The following PDE4D variants were observed in gnomAD, a reference collection of about 807,000 sequenced individuals.
PDE4D encodes 3',5'-cyclic-AMP phosphodiesterase 4D.
PDE4D carries 24 observed loss-of-function variants against 87.4 expected under a neutral mutation model. The observed-to-expected ratio is 0.27, with a 90% CI of 0.20 to 0.39. The LOEUF (loss-of-function observed/expected upper bound fraction) is 0.39, where lower values mean the gene tolerates loss of function less well. Ranked by LOEUF, PDE4D falls within the 10% of genes least tolerant of loss-of-function variation. The pLI, the probability that PDE4D is intolerant of heterozygous loss-of-function variation, is 1.00. For missense variants in PDE4D, 714 were observed against 1,041.0 expected (o/e 0.69, Z 4.32); for synonymous variants, 384 against 383.2 (o/e 1.00, Z -0.02).
chr5:59,005,882 C>T (rs1751505216), intron 6 of PDE4D, among the ~76,000 whole-genome samples: 1 of 152,164 alleles, frequency 6.6e-6, no homozygotes, highest in Non-Finnish European at 1.5e-5. Context: ...CTATGATAAA[C>T]AGTATGAATC....
rs150827181 is a variant in PDE4D at position 60,147,391 on chromosome 5, A to C, written c.42+38166T>G. Among the ~76,000 whole-genome samples the C allele has an allele frequency of 6.8e-3, 1,033 of 152,298 alleles. 11 individuals are homozygous for C. The highest frequency in any genetic ancestry group is 0.024 in the African/African-American group (983 of 41,568). ...GCGGTGAATGGGCCACGCTGCATTCATTATTTACCAACAAGATTAAAGGAA... is the reference window on the plus strand; with the variant it reads ...GCGGTGAATGGGCCACGCTGCATTCCTTATTTACCAACAAGATTAAAGGAA... On this transcript the variant is annotated intron_variant, in intron 2 of 16. Transcript: ENST00000502484.
intron 1 of PDE4D, among the ~76,000 whole-genome samples, chr5:59,528,603 G>T (rs1042057506): frequency 6.6e-6 from 1 of 151,914 alleles, no homozygotes; most frequent in African/African-American, 2.4e-5. Flanking sequence ...AAAAAAAAAA[G>T]TCTCTATGAT....
chr5:59,883,750 A>G (rs1283734752), intron 1 of PDE4D, among the ~76,000 whole-genome samples: 2 of 152,104 alleles, frequency 1.3e-5, no homozygotes, highest in East Asian at 3.9e-4. Context: ...CCTTCCTTGG[A>G]TTAGTTGATA....
chr5:60,496,838 C>T (rs917667998), intron 1 of PDE4D, among the ~76,000 whole-genome samples: 3 of 152,146 alleles, frequency 2.0e-5, no homozygotes, highest in African/African-American at 7.2e-5. Flanking sequence ...AACAACTTCC[C>T]ATATTTCTAG....
rs529103920 is a variant in PDE4D, at chr5:59,472,918, T to C, written c.456-256950A>G. On this transcript the variant is annotated intron_variant, in intron 1 of 14. Transcript: ENST00000340635. ...CTAAAAGCAGATTGTAGGAAAAAGA[T>C]TACTTTCTTACTTACATAAGATCCT... Among the ~76,000 whole-genome samples, 5 of 152,128 alleles carry C rather than the reference T, an allele frequency of 3.3e-5. No homozygotes were observed. In the East Asian group the frequency reaches 9.7e-4, roughly 29 times the overall value.
intron 3 of PDE4D, among the ~76,000 whole-genome samples, chr5:59,979,609 G>A (rs919136964): frequency 6.6e-6 from 1 of 152,082 alleles, no homozygotes; most frequent in African/African-American, 2.4e-5. Context: ...ATTAAACAAA[G>A]TTGACCCATC....
intron 3 of PDE4D, among the ~76,000 whole-genome samples, chr5:59,943,703 A>G (rs1308124617): frequency 2.6e-5 from 4 of 152,184 alleles, no homozygotes; most frequent in Admixed American, 2.0e-4. Flanking sequence ...GGACCAACCC[A>G]ATTGAAAGCT....
At chr5:59,762,397 CATGTGT>C (rs1304520503) in intron 1 of PDE4D, among the ~76,000 whole-genome samples, 2 of 103,982 alleles carry the variant, frequency 1.9e-5, no homozygotes, top group African/African-American at 4.1e-5. Flanking sequence ...TATGGGTACA[CATGTGT>C]ATATGTGTAT....
intron 5 of PDE4D, among the ~76,000 whole-genome samples, chr5:59,142,386 A>G (rs1326085635): frequency 1.3e-5 from 2 of 152,176 alleles, no homozygotes; most frequent in African/African-American, 4.8e-5. Flanking sequence ...CTAATTTCCA[A>G]TTAGATCACT....
intron 1 of PDE4D, among the ~76,000 whole-genome samples, chr5:59,363,106 C>T (rs530772312): frequency 6.6e-6 from 1 of 152,194 alleles, no homozygotes; most frequent in South Asian, 2.1e-4. Context: ...TGATATCAAC[C>T]ACTTATTTGG....
intron 2 of PDE4D, among the ~76,000 whole-genome samples, chr5:60,099,255 T>C (rs1775996554): frequency 6.6e-6 from 1 of 152,070 alleles, no homozygotes; most frequent in East Asian, 1.9e-4. Flanking sequence ...ATTTTGACAA[T>C]TTGATTTTAA....
chr5:59,587,997 A>G (rs536154642), intron 1 of PDE4D, among the ~76,000 whole-genome samples: 2 of 150,938 alleles, frequency 1.3e-5, no homozygotes, highest in East Asian at 1.9e-4. Flanking sequence ...TTCACTCCTT[A>G]AAAAAAAAGC....
intron 1 of PDE4D, among the ~76,000 whole-genome samples, chr5:59,313,253 C>G (rs952019790): frequency 6.6e-6 from 1 of 152,154 alleles, no homozygotes. Context: ...GTAACAGGAG[C>G]AAGTAGCAAC....
chr5:59,860,868 T>C (rs1462599131), intron 1 of PDE4D, among the ~76,000 whole-genome samples: 5 of 152,034 alleles, frequency 3.3e-5, no homozygotes, highest in Non-Finnish European at 7.4e-5. Context: ...TTTTTATTTT[T>C]TATTTTTTTA....
chr5:59,594,035 A>C (rs1826285419), intron 1 of PDE4D, among the ~76,000 whole-genome samples: 1 of 151,980 alleles, frequency 6.6e-6, no homozygotes, highest in South Asian at 2.1e-4. Context: ...TTAGAGCCTC[A>C]CTGACCTGGG....
At chr5:59,821,466 T>A (rs59616514) in intron 1 of PDE4D, among the ~76,000 whole-genome samples, 10,372 of 114,790 alleles carry the variant, frequency 0.09, 1,227 homozygotes, top group African/African-American at 0.35. Flanking sequence ...ATAAAGACTG[T>A]CTATTTCATT....
intron 1 of PDE4D, among the ~76,000 whole-genome samples, chr5:59,656,135 C>T (rs1744316730): frequency 1.3e-5 from 2 of 152,194 alleles, no homozygotes; most frequent in South Asian, 4.2e-4. Context: ...ACACAATCAC[C>T]TCACAGACAC....
chr5:60,415,560 G>A (rs985463748), intron 1 of PDE4D, among the ~76,000 whole-genome samples: 5 of 152,216 alleles, frequency 3.3e-5, no homozygotes, highest in Admixed American at 1.3e-4. Flanking sequence ...GCGGCAGGCC[G>A]GCCCCGCCAC....
intron 1 of PDE4D, among the ~76,000 whole-genome samples, chr5:59,681,197 T>C (rs931884798): frequency 6.6e-6 from 1 of 152,076 alleles, no homozygotes; most frequent in Non-Finnish European, 1.5e-5. Flanking sequence ...CAAAGAATGA[T>C]AGTAACGTGT....
Sources: allele counts gnomAD v4.1 joint callset (sites outside exome capture counted in the v4.1 genomes callset), GRCh38; gene constraint gnomAD v4.1.1; transcripts MANE v1.5; gene names NCBI Gene and HGNC (gene_info 2026-07-23, HGNC 2026-07-21).